PTP4A1: variants seen among roughly 807,000 people sequenced by gnomAD.
The protein encoded by PTP4A1 is protein tyrosine phosphatase type IVA 1.
In PTP4A1, 9 loss-of-function variants were observed where a neutral mutation model predicts 20.5. The observed-to-expected ratio is 0.44, with a 90% CI of 0.26 to 0.77. The LOEUF is 0.77. PTP4A1 is among the 30% of genes least tolerant of loss of function. PTP4A1 has a pLI of 0.19. For missense variants in PTP4A1, 137 were observed against 218.8 expected, an observed-to-expected ratio of 0.63 and a Z score of 2.36; for synonymous variants, 78 against 67.4, an observed-to-expected ratio of 1.16 and a Z score of -0.77.
At chr6:63,544,738 G>A (rs559674958) in intron 2 of PTP4A1, among the ~76,000 whole-genome samples, 1 of 152,034 alleles carries the variant, frequency 6.6e-6, no homozygotes, top group African/African-American at 2.4e-5. Context: ...TTAGATTCAG[G>A]ATACACGTTT....
chr6:63,557,731 A>G (rs1438362018), intron 3 of PTP4A1, among the ~76,000 whole-genome samples: 1 of 152,170 alleles, frequency 6.6e-6, no homozygotes, highest in Non-Finnish European at 1.5e-5. Context: ...AATGGAGTGG[A>G]GCACGAGGTA....
At chr6:63,564,201 G>A (rs543126723) in intron 3 of PTP4A1, among the ~76,000 whole-genome samples, 5 of 151,754 alleles carry the variant, frequency 3.3e-5, no homozygotes, top group African/African-American at 4.8e-5. Context: ...ACTTGAACCC[G>A]GGAGACGGAG....
upstream of PTP4A1, among the ~76,000 whole-genome samples, chr6:63,569,319 G>A (rs1209017750): frequency 6.6e-6 from 1 of 152,194 alleles, no homozygotes; most frequent in Non-Finnish European, 1.5e-5. Flanking sequence ...GCAGTGCCAT[G>A]ATCTCGGCTC....
chr6:63,542,272 G>A (rs142654850), intron 2 of PTP4A1, among the ~76,000 whole-genome samples: 72 of 152,086 alleles, frequency 4.7e-4, no homozygotes, highest in African/African-American at 1.6e-3. Flanking sequence ...GGGACTCAGG[G>A]GGAAAGGGTG....
Position 63,581,713 on chromosome 6 carries a change from T to C in PTP4A1, c.*1539T>C, listed in dbSNP as rs921855027. The C allele has an allele frequency of 3.9e-5, 6 of 152,162 alleles. No individual in the cohort carries two copies. The highest frequency in any genetic ancestry group is 1.2e-4 in the African/African-American group (5 of 41,446). The allele number at this position is 152,162 out of a possible 1,614,324, so 9.4% of individuals were successfully genotyped here. A position where few individuals can be genotyped will look rare whatever the true frequency, so the allele number is the denominator to read the frequency against. ...TATTGTGTACTGAGGAGAAATAATG[T>C]ATAGTAGAGGACAGCCTTGGTTTGT... is the stretch of plus-strand genomic sequence containing the variant. On this transcript the variant is annotated 3_prime_UTR_variant, in exon 6 of 6. Transcript: ENST00000626021.
chr6:63,583,026 T>G lies in PTP4A1; in HGVS notation c.*2852T>G, dbSNP rs1033328203. The G allele has an allele frequency of 6.6e-6, 1 of 152,178 alleles. No individual in the cohort carries two copies. The highest frequency in any genetic ancestry group is 2.4e-5 in the African/African-American group (1 of 41,426). The allele number at this position is 152,178 out of a possible 1,614,324, so 9.4% of individuals were successfully genotyped here. On this transcript the variant is annotated 3_prime_UTR_variant, in exon 6 of 6. Coordinates refer to ENST00000626021, the MANE Select transcript of PTP4A1 (RefSeq NM_003463.5). ...TATTCATCTGGTAAATATCTACTGTTTGCCAGGCATTTAAGAATATGGCAA... is the reference window on the plus strand; with the variant it reads ...TATTCATCTGGTAAATATCTACTGTGTGCCAGGCATTTAAGAATATGGCAA...
intron 2 of PTP4A1, chr6:63,549,465 G>T: frequency 1.3e-6 from 1 of 794,192 alleles, no homozygotes; most frequent in Non-Finnish European, 2.2e-6. Context: ...CGACAGCAGG[G>T]CCGGAGCCAC....
At chr6:63,519,621 T>C (rs1774850505), upstream of PTP4A1, among the ~76,000 whole-genome samples, 1 of 152,164 alleles carries the variant, frequency 6.6e-6, no homozygotes. Flanking sequence ...GTGACTCAAT[T>C]ACAGCCCATT....
rs192094607 is a variant in PTP4A1 at position 63,583,330 on chromosome 6, A to G, written c.*3156A>G. 1.5e-3 allele frequency: 222 copies of G among 152,344 alleles called. No homozygotes were observed. The highest frequency in any genetic ancestry group is 5.0e-3 in the African/African-American group (209 of 41,584). 9.4% of individuals were successfully genotyped at this position (152,344 alleles called of 1,614,324 possible). A position where few individuals can be genotyped will look rare whatever the true frequency, so the allele number is the denominator to read the frequency against. On this transcript the variant is annotated 3_prime_UTR_variant, in exon 6 of 6. Coordinates refer to ENST00000626021, the MANE Select transcript of PTP4A1 (RefSeq NM_003463.5). ...CTTAAATTAATATGTTTGTGTGTATATATGTGCCTCACACCTGAATTGAAA... is the reference window on the plus strand; with the variant it reads ...CTTAAATTAATATGTTTGTGTGTATGTATGTGCCTCACACCTGAATTGAAA...
upstream of PTP4A1, chr6:63,572,459 G>C (rs548645381): frequency 5.2e-6 from 2 of 384,754 alleles, no homozygotes; most frequent in African/African-American, 2.1e-5. Context: ...CTATAAAGGG[G>C]AGGGCTTGTG....
At chr6:63,554,322 A>C (rs1776577899) in intron 3 of PTP4A1, among the ~76,000 whole-genome samples, 1 of 152,184 alleles carries the variant, frequency 6.6e-6, no homozygotes, top group African/African-American at 2.4e-5. Flanking sequence ...TTTTATCATA[A>C]TACTGGGAGT....
intron 2 of PTP4A1, 47 bp from the exon 3 acceptor site, chr6:63,578,390 G>T: frequency 6.4e-7 from 1 of 1,569,390 alleles, no homozygotes; most frequent in South Asian, 1.2e-5. Context: ...TTGAGTTATA[G>T]TGATGTGGTT....
intron 3 of PTP4A1, among the ~76,000 whole-genome samples, chr6:63,556,251 G>A (rs568569403): frequency 2.8e-4 from 42 of 151,340 alleles, no homozygotes; most frequent in African/African-American, 4.4e-4. Flanking sequence ...CTCTTCCTCC[G>A]AGGCTCCAGG....
intron 2 of PTP4A1, among the ~76,000 whole-genome samples, chr6:63,549,854 C>T (rs1776359258): frequency 6.6e-6 from 1 of 151,986 alleles, no homozygotes; most frequent in Non-Finnish European, 1.5e-5. Context: ...TTAAAGAATA[C>T]AAAATTGCAA....
At position 63,582,533 on chromosome 6, in the gene PTP4A1, A is replaced by G. The variant is rs1227437527; in HGVS notation, c.*2359A>G. ...GCCTATAATACATCTTAGATTCCTTATATCTAATAAGAGTTCAAAGAGTTA... is the reference window on the plus strand; with the variant it reads ...GCCTATAATACATCTTAGATTCCTTGTATCTAATAAGAGTTCAAAGAGTTA... On this transcript the variant is annotated 3_prime_UTR_variant, in exon 6 of 6. Transcript: ENST00000626021. 3 of 152,570 alleles carry G rather than the reference A, an allele frequency of 2.0e-5. No individual in the cohort carries two copies. Among genetic ancestry groups the G allele is most frequent in the Non-Finnish European group, 2.9e-5 (2 of 68,030 alleles). 9.5% of individuals were successfully genotyped at this position (152,570 alleles called of 1,614,324 possible).
intron 3 of PTP4A1, among the ~76,000 whole-genome samples, chr6:63,552,084 TA>T (rs1379403479): frequency 3.3e-5 from 5 of 152,176 alleles, no homozygotes; most frequent in Non-Finnish European, 7.3e-5. Flanking sequence ...GGTCAAATGG[TA>T]TTTCTAGTTC....
chr6:63,558,651 T>C (rs1776793783), intron 3 of PTP4A1, among the ~76,000 whole-genome samples: 1 of 152,222 alleles, frequency 6.6e-6, no homozygotes, highest in Non-Finnish European at 1.5e-5. Context: ...GAGAAGACTT[T>C]ACTGGAAGCA....
intron 2 of PTP4A1, among the ~76,000 whole-genome samples, chr6:63,577,580 G>A (rs1777950283): frequency 2.0e-5 from 3 of 151,708 alleles, no homozygotes; most frequent in African/African-American, 7.3e-5. Flanking sequence ...TTTTTGAGAT[G>A]GAGTCTCGTT....
At chr6:63,541,369 A>G (rs1562117349) in intron 2 of PTP4A1, among the ~76,000 whole-genome samples, 2 of 152,010 alleles carry the variant, frequency 1.3e-5, no homozygotes, top group Admixed American at 6.6e-5. Context: ...CCTGGCCAAC[A>G]TAGTGAAACC....
Sources: gnomAD v4.1 joint callset for allele counts (sites outside exome capture counted in the v4.1 genomes callset) on GRCh38, gnomAD v4.1.1 for gene constraint, MANE v1.5 for transcripts, NCBI Gene and HGNC (gene_info 2026-07-23, HGNC 2026-07-21) for gene names.